The following PCDHA1 variants were observed in gnomAD, a reference collection of about 807,000 sequenced individuals.
PCDHA1 encodes protocadherin alpha-1.
A neutral mutation model predicts 61.3 loss-of-function variants in PCDHA1; 42 were observed. That is an observed-to-expected ratio of 0.69 (90% CI 0.54 to 0.89). The LOEUF is 0.89. PCDHA1 is among the 40% of genes least tolerant of loss of function. PCDHA1 has a pLI of 0.00. For synonymous variants in PCDHA1, 610 were observed against 553.8 expected (o/e 1.10, Z -1.43); for missense variants, 1,256 against 1,235.3 (o/e 1.02, Z -0.25).
rs563698448 is a variant in PCDHA1 at position 140,899,116 on chromosome 5, T to G, written c.2395-79833T>G. On this transcript the variant is annotated intron_variant, in intron 1 of 3. Transcript: ENST00000504120. ...CTGAGATAATGGGGTTTTCTAGATA[T>G]ACAATCATGTCTTCTGCAAACAGGG... 5.8e-3 allele frequency among the ~76,000 whole-genome samples: 880 copies of G among 152,244 alleles called. 11 individuals are homozygous for G. Among genetic ancestry groups the G allele is most frequent in the African/African-American group, 0.019 (802 of 41,486 alleles).
chr5:140,861,578 C>A (rs1425852721), intron 1 of PCDHA1: 2 of 361,296 alleles, frequency 5.5e-6, no homozygotes, highest in Non-Finnish European at 1.1e-5. Flanking sequence ...TACAGGTTTT[C>A]CATGTGGAGG....
chr5:140,924,907 AAAAT>A (rs1563068966), intron 1 of PCDHA1, among the ~76,000 whole-genome samples: 53 of 50,956 alleles, frequency 1.0e-3, no homozygotes, highest in African/African-American at 2.1e-3. Flanking sequence ...AAAAAAAAAT[AAAAT>A]AAAATAAAAT....
rs782406571 is a variant in PCDHA1 at position 140,876,145 on chromosome 5, T to C, written c.2394+87461T>C. 1.9e-6 allele frequency: 3 copies of C among 1,613,788 alleles called. No homozygotes were observed. The East Asian group carries it at 6.7e-5, about 36-fold the overall frequency. ...TGGCGGTAAACCAGAACTAACAGGG[T>C]CTGTCCAGATTCAAATAACCGTCCT... On this transcript the variant is annotated intron_variant, in intron 1 of 3. Coordinates refer to ENST00000504120, the MANE Select transcript of PCDHA1 (RefSeq NM_018900.4).
At chr5:140,906,709 GC>G (rs1228410148) in intron 1 of PCDHA1, among the ~76,000 whole-genome samples, 7 of 152,190 alleles carry the variant, frequency 4.6e-5, no homozygotes, top group African/African-American at 1.4e-4. Context: ...TTGTAGTCCT[GC>G]CTGGATTGTG....
chr5:140,820,407 A>C (rs1766747622), intron 1 of PCDHA1, among the ~76,000 whole-genome samples: 1 of 152,024 alleles, frequency 6.6e-6, no homozygotes, highest in Non-Finnish European at 1.5e-5. Context: ...CTATATTTTA[A>C]ATGTAAAAGT....
intron 1 of PCDHA1, chr5:140,877,291 C>T (rs527823173): frequency 6.2e-7 from 1 of 1,613,932 alleles, no homozygotes; most frequent in Non-Finnish European, 8.5e-7. Context: ...TAACGCTTGG[C>T]TGTCCTACGA....
intron 1 of PCDHA1, among the ~76,000 whole-genome samples, chr5:140,844,419 T>C (rs1779369734): frequency 6.7e-6 from 1 of 149,576 alleles, no homozygotes; most frequent in South Asian, 2.1e-4. Flanking sequence ...AGACATGTTT[T>C]TTATTCTACA....
At position 140,801,294 on chromosome 5, in the gene PCDHA1, T is replaced by C. The variant is rs376147788; in HGVS notation, c.2394+12610T>C. ...GGAGGTGGGGAGCGGCCAGCTCCAC[T>C]ACTCCGTCTCTGAGGAGGCCAAGCA... is the stretch of plus-strand genomic sequence containing the variant. On this transcript the variant is annotated intron_variant, in intron 1 of 3. Transcript: ENST00000504120. 5.0e-6 allele frequency: 8 copies of C among 1,613,408 alleles called. No individual in the cohort carries two copies. In the African/African-American group the frequency reaches 9.3e-5, roughly 19 times the overall value.
At chr5:140,796,791 C>T (rs375837956) in intron 1 of PCDHA1, 2 of 1,614,028 alleles carry the variant, frequency 1.2e-6, no homozygotes, top group Non-Finnish European at 1.7e-6. Flanking sequence ...GGCTTTCGTA[C>T]GAGCTTCAGC....
In PCDHA1 at chr5:140,982,522, G is replaced by A; in HGVS notation, c.2501G>A (p.Gly834Glu). Residue 834 changes from glycine to glutamate, a missense_variant, in exon 3 of 4, where the codon GGG (glycine) becomes GAG (glutamate). Coordinates refer to ENST00000504120, the MANE Select transcript of PCDHA1 (RefSeq NM_018900.4). ...GGCATTCTACGGGCTGGTCCAGGAG[G>A]GCCTGATCAGCAGTGGCCAACAGTA... ...EAGILRAGPG[G>E]PDQQWPTVSS... 2.5e-6 allele frequency: 4 copies of A among 1,614,182 alleles called. No homozygotes were observed. Among genetic ancestry groups the A allele is most frequent in the Non-Finnish European group, 3.4e-6 (4 of 1,180,032 alleles).
chr5:140,851,796 T>C, intron 1 of PCDHA1: 3 of 954,006 alleles, frequency 3.1e-6, no homozygotes, highest in Non-Finnish European at 3.8e-6. Flanking sequence ...TCACTTGTTC[T>C]GTCAGTAATC....
At chr5:140,804,894 T>A (rs1172477675) in intron 1 of PCDHA1, 7 of 715,336 alleles carry the variant, frequency 9.8e-6, no homozygotes, top group Non-Finnish European at 1.3e-5. Flanking sequence ...CTCCTTCCCC[T>A]CACTTCCATT....
chr5:140,833,590 T>C (rs2150209635), intron 1 of PCDHA1, among the ~76,000 whole-genome samples: 1 of 152,296 alleles, frequency 6.6e-6, no homozygotes, highest in East Asian at 1.9e-4. Flanking sequence ...AAACAGTATA[T>C]ATAGATTCTG....
chr5:140,806,196 T>C (rs782375652), intron 1 of PCDHA1, among the ~76,000 whole-genome samples: 38 of 152,154 alleles, frequency 2.5e-4, no homozygotes, highest in Non-Finnish European at 4.7e-4. Flanking sequence ...AGAAATGATG[T>C]GGATTACTTA....
rs1192658029 is a variant in PCDHA1 at position 141,011,915 on chromosome 5, A to G, written c.*1978A>G. On this transcript the variant is annotated 3_prime_UTR_variant, in exon 4 of 4. Coordinates refer to ENST00000504120, the MANE Select transcript of PCDHA1 (RefSeq NM_018900.4). Reference sequence around the variant, plus strand: ...ATATTATCTATTTAGGCATTAATATAAAAGAGGTAGGAGTCTGTTATTTAA... The same window carrying G: ...ATATTATCTATTTAGGCATTAATATGAAAGAGGTAGGAGTCTGTTATTTAA... 1 of 153,728 alleles carries G rather than the reference A, an allele frequency of 6.5e-6. No homozygotes were observed. Among genetic ancestry groups the G allele is most frequent in the Admixed American group, 6.5e-5 (1 of 15,286 alleles). 9.5% of individuals were successfully genotyped at this position (153,728 alleles called of 1,614,324 possible). A position where few individuals can be genotyped will look rare whatever the true frequency, so the allele number is the denominator to read the frequency against.
chr5:140,932,125 A>G (rs1272736604), intron 1 of PCDHA1, among the ~76,000 whole-genome samples: 1 of 151,932 alleles, frequency 6.6e-6, no homozygotes, highest in African/African-American at 2.4e-5. Context: ...ATAATATTTA[A>G]GATATAAACA....
intron 1 of PCDHA1, chr5:140,811,029 T>C (rs1764780657): frequency 6.6e-6 from 1 of 152,244 alleles, no homozygotes; most frequent in Admixed American, 6.5e-5. Flanking sequence ...TATTATACTT[T>C]AAGTTCTAGG....
intron 1 of PCDHA1, among the ~76,000 whole-genome samples, chr5:140,831,917 A>T (rs2150198247): frequency 0.034 from 5,232 of 152,270 alleles, 320 homozygotes; most frequent in African/African-American, 0.12. Flanking sequence ...TGCTTAAAAA[A>T]TTTGCTACTA....
chr5:140,877,647 G>A, intron 1 of PCDHA1: 2 of 1,613,510 alleles, frequency 1.2e-6, no homozygotes, highest in South Asian at 1.1e-5. Flanking sequence ...GTTGCTCAGC[G>A]CCGCCCACCG....
Sources: allele counts gnomAD v4.1 joint callset (sites outside exome capture counted in the v4.1 genomes callset), GRCh38; gene constraint gnomAD v4.1.1; transcripts MANE v1.5; gene names NCBI Gene and HGNC (gene_info 2026-07-23, HGNC 2026-07-21).